PCNX1: variants seen among roughly 807,000 people sequenced by gnomAD.
PCNX1 encodes the protein pecanex-like protein 1.
PCNX1 carries 78 observed loss-of-function variants against 242.2 expected under a neutral mutation model. That is an observed-to-expected ratio of 0.32 (90% CI 0.27 to 0.39). PCNX1 has a LOEUF of 0.39. PCNX1 is among the 10% of genes least tolerant of loss of function. The pLI is 1.00. For missense variants in PCNX1, 2,581 were observed against 2,856.5 expected (o/e 0.90, Z 2.20); for synonymous variants, 1,024 against 1,032.9 (o/e 0.99, Z 0.17).
At chr14:71,039,244 CA>C (rs910978495) in intron 19 of PCNX1, among the ~76,000 whole-genome samples, 2 of 151,442 alleles carry the variant, frequency 1.3e-5, no homozygotes, top group Non-Finnish European at 3.0e-5. Flanking sequence ...ATTAAAAAAA[CA>C]AAAAAAACCA....
intron 1 of PCNX1, among the ~76,000 whole-genome samples, chr14:70,930,615 T>G (rs774943773): frequency 6.6e-6 from 1 of 152,186 alleles, no homozygotes; most frequent in Non-Finnish European, 1.5e-5. Flanking sequence ...AAAATATTTA[T>G]GTAGCAGACA....
intron 28 of PCNX1, among the ~76,000 whole-genome samples, chr14:71,080,513 T>A (rs928850793): frequency 2.0e-5 from 3 of 152,228 alleles, no homozygotes; most frequent in Admixed American, 1.3e-4. Context: ...GAGCATGGAA[T>A]GTTTTTCCAT....
chr14:70,938,580 C>T (rs1337907717), intron 1 of PCNX1, among the ~76,000 whole-genome samples: 2 of 152,146 alleles, frequency 1.3e-5, no homozygotes, highest in African/African-American at 4.8e-5. Context: ...GGATATTGGT[C>T]TAAAATTCTC....
intron 2 of PCNX1, among the ~76,000 whole-genome samples, chr14:70,956,903 A>T (rs958272719): frequency 1.7e-4 from 26 of 152,178 alleles, no homozygotes; most frequent in Admixed American, 1.7e-3. Context: ...TATCATAAAT[A>T]TTAGGGAAGG....
chr14:71,059,126 T>C (rs892271010), intron 26 of PCNX1, among the ~76,000 whole-genome samples: 3 of 152,148 alleles, frequency 2.0e-5, no homozygotes, highest in African/African-American at 7.2e-5. Context: ...ATATGTGAAA[T>C]GAAAGGGGGG....
intron 26 of PCNX1, among the ~76,000 whole-genome samples, chr14:71,064,658 G>A (rs1312502242): frequency 6.6e-6 from 1 of 152,192 alleles, no homozygotes; most frequent in African/African-American, 2.4e-5. Flanking sequence ...TGGGGTACAT[G>A]TGCAAAACAT....
chr14:70,981,521 G>T (rs975554283), intron 6 of PCNX1, among the ~76,000 whole-genome samples: 1 of 152,226 alleles, frequency 6.6e-6, no homozygotes, highest in Admixed American at 6.5e-5. Context: ...ACAAGTGATT[G>T]TTTTCATACG....
chr14:70,908,756 A>T (rs1302146439), intron 1 of PCNX1, among the ~76,000 whole-genome samples: 1 of 152,142 alleles, frequency 6.6e-6, no homozygotes, highest in Non-Finnish European at 1.5e-5. Flanking sequence ...ATTTCAGCAG[A>T]TTTGTTTGGC....
chr14:71,046,939 G>T lies in PCNX1; in HGVS notation c.4019-25G>T, dbSNP rs780266740. ...CAAACTATACATTTGATGACATGTA[G>T]TCTTGATTTATACTGCCTTGTTAGA... On this transcript the variant is annotated intron_variant, in intron 20 of 35. Transcript: ENST00000304743. The T allele has an allele frequency of 1.1e-5, 17 of 1,581,890 alleles. No homozygotes were observed. In the South Asian group the frequency reaches 2.0e-4, roughly 18 times the overall value.
intron 2 of PCNX1, among the ~76,000 whole-genome samples, chr14:70,950,724 G>C (rs904293531): frequency 1.3e-5 from 2 of 151,542 alleles, no homozygotes; most frequent in Non-Finnish European, 2.9e-5. Flanking sequence ...TCCCGTTTTT[G>C]AATTACTAGT....
At chr14:70,980,761 C>G (rs1245274325) in intron 6 of PCNX1, among the ~76,000 whole-genome samples, 1 of 152,084 alleles carries the variant, frequency 6.6e-6, no homozygotes, top group Non-Finnish European at 1.5e-5. Context: ...ACAGTCCTGT[C>G]TGACAATTTA....
intron 5 of PCNX1, among the ~76,000 whole-genome samples, chr14:70,971,511 C>T (rs7146591): frequency 0.62 from 94,202 of 151,960 alleles, 29,527 homozygotes; most frequent in South Asian, 0.72. Context: ...CAAATATTGT[C>T]GAGTACTCTT....
At chr14:71,000,237 T>C (rs1033357874) in intron 8 of PCNX1, among the ~76,000 whole-genome samples, 1 of 152,174 alleles carries the variant, frequency 6.6e-6, no homozygotes, top group African/African-American at 2.4e-5. Flanking sequence ...TTCGTTTTGG[T>C]AAAAGTAGAA....
chr14:71,029,234 T>G (rs2060317785), intron 16 of PCNX1, among the ~76,000 whole-genome samples: 1 of 152,192 alleles, frequency 6.6e-6, no homozygotes, highest in Non-Finnish European at 1.5e-5. Context: ...ATTATTGGGT[T>G]AGAAGATCTG....
intron 2 of PCNX1, among the ~76,000 whole-genome samples, chr14:70,948,798 G>A (rs557150600): frequency 1.4e-5 from 2 of 144,526 alleles, no homozygotes; most frequent in South Asian, 2.2e-4. Flanking sequence ...ACTTATAAAT[G>A]CTTATAAATC....
In PCNX1 at chr14:70,924,993, T is replaced by TA. The variant is rs1594908119; in HGVS notation, c.153+16990_153+16991insA. On this transcript the variant is annotated intron_variant, in intron 1 of 35. Coordinates refer to ENST00000304743, the MANE Select transcript of PCNX1 (RefSeq NM_014982.3). ...AGTTTTCACATCTGGTTTTTTTTTT[T>TA]TTAATTTTTTATTGAGACAGAATCT... 4.6e-5 allele frequency among the ~76,000 whole-genome samples: 7 copies of TA among 152,264 alleles called. 1 individual carries two copies. The South Asian group carries it at 1.4e-3, about 32-fold the overall frequency.
At chr14:71,025,075 G>A (rs1396509444) in intron 13 of PCNX1, among the ~76,000 whole-genome samples, 1 of 152,020 alleles carries the variant, frequency 6.6e-6, no homozygotes, top group Non-Finnish European at 1.5e-5. Flanking sequence ...ATCATTTATT[G>A]GTTGCCAAAT....
chr14:70,948,101 C>T (rs924947866), intron 2 of PCNX1, among the ~76,000 whole-genome samples: 8 of 152,172 alleles, frequency 5.3e-5, no homozygotes, highest in Non-Finnish European at 7.3e-5. Flanking sequence ...CTGTGCATAG[C>T]GGGACAGTGA....
intron 6 of PCNX1, among the ~76,000 whole-genome samples, chr14:70,982,626 C>G (rs1001556390): frequency 6.6e-6 from 1 of 152,152 alleles, no homozygotes; most frequent in African/African-American, 2.4e-5. Context: ...TTATTAAATA[C>G]AGCAAAATAG....
Sources: allele counts gnomAD v4.1 joint callset (sites outside exome capture counted in the v4.1 genomes callset), GRCh38; gene constraint gnomAD v4.1.1; transcripts MANE v1.5; gene names NCBI Gene and HGNC (gene_info 2026-07-23, HGNC 2026-07-21).